The following FTO variants were observed in gnomAD, a reference collection of about 807,000 sequenced individuals.
FTO encodes FTO alpha-ketoglutarate dependent dioxygenase.
Under a neutral mutation model 63.9 loss-of-function variants are expected in FTO, and 47 were observed. That is an observed-to-expected ratio of 0.74 (90% CI 0.58 to 0.94). The LOEUF is 0.94. Among genes scored for constraint, FTO ranks in the 40% least tolerant of loss-of-function variants. The probability of loss-of-function intolerance (pLI) is 0.00; values close to 1 mark genes in which losing one functional copy is unlikely to be tolerated. For synonymous variants in FTO, 207 were observed against 224.4 expected, an observed-to-expected ratio of 0.92 and a Z score of 0.69; for missense variants, 562 against 618.1, an observed-to-expected ratio of 0.91 and a Z score of 0.96.
intron 4 of FTO, among the ~76,000 whole-genome samples, chr16:53,848,334 A>G (rs2079692368): frequency 6.6e-6 from 1 of 152,182 alleles, no homozygotes; most frequent in South Asian, 2.1e-4. Flanking sequence ...GAGGAAGTGC[A>G]GGCTGAACCC....
At chr16:53,783,703 A>T (rs1282295424) in intron 1 of FTO, among the ~76,000 whole-genome samples, 1 of 150,316 alleles carries the variant, frequency 6.7e-6, no homozygotes, top group South Asian at 2.1e-4. Flanking sequence ...CAGGAGAATC[A>T]CTTGAACCCG....
intron 4 of FTO, among the ~76,000 whole-genome samples, chr16:53,864,615 TG>T (rs1567375033): frequency 6.6e-6 from 1 of 152,196 alleles, no homozygotes; most frequent in Non-Finnish European, 1.5e-5. Flanking sequence ...TTTGTGTGTG[TG>T]TTGTCACATC....
At chr16:53,871,827 A>G (rs1316313847) in intron 4 of FTO, among the ~76,000 whole-genome samples, 1 of 151,886 alleles carries the variant, frequency 6.6e-6, no homozygotes, top group Non-Finnish European at 1.5e-5. Flanking sequence ...CCTGTGTTCA[A>G]GCAATTCTCC....
intron 8 of FTO, chr16:53,999,778 C>T (rs1307477658): frequency 1.3e-5 from 2 of 152,218 alleles, no homozygotes; most frequent in Non-Finnish European, 2.9e-5. Context: ...TGGATTTTCT[C>T]CGTACTCCAT....
intron 8 of FTO, among the ~76,000 whole-genome samples, chr16:54,012,704 TA>T (rs1408258124): frequency 1.3e-5 from 2 of 152,316 alleles, no homozygotes; most frequent in South Asian, 2.1e-4. Flanking sequence ...CTAGGGCACT[TA>T]AGAATTATGC....
In FTO at chr16:53,826,385, G is replaced by A; in HGVS notation, c.645G>A (p.Leu215=). 6.2e-7 allele frequency: 1 copy of A among 1,614,164 alleles called. No individual in the cohort carries two copies. The highest frequency in any genetic ancestry group is 1.3e-5 in the African/African-American group (1 of 75,050). Residue 215 remains leucine, a synonymous_variant, in exon 3 of 9, where the codon CTG becomes CTA. Transcript: ENST00000471389. ...TGGATCCTCAGAAAATGCCATACCT[G>A]AAAGAGGAACCTTATTTTGGCATGG... ...NFMDPQKMPY[L]KEEPYFGMGK...
chr16:54,031,138 AG>A (rs747663560), intron 8 of FTO, among the ~76,000 whole-genome samples: 1 of 152,188 alleles, frequency 6.6e-6, no homozygotes, highest in Non-Finnish European at 1.5e-5. Context: ...GAGCCAGGAG[AG>A]GTAATCAAAT....
intron 8 of FTO, among the ~76,000 whole-genome samples, chr16:54,079,984 T>A (rs1345982253): frequency 6.6e-6 from 1 of 152,226 alleles, no homozygotes; most frequent in Admixed American, 6.5e-5. Context: ...AGCCACCATT[T>A]TGTCTCCTCT....
intron 1 of FTO, among the ~76,000 whole-genome samples, chr16:53,763,460 A>T (rs1018060852): frequency 6.6e-6 from 1 of 152,192 alleles, no homozygotes; most frequent in Non-Finnish European, 1.5e-5. Flanking sequence ...TGTGGAAGAA[A>T]GAATCAAATT....
intron 8 of FTO, among the ~76,000 whole-genome samples, chr16:53,980,576 T>C (rs1179856517): frequency 6.6e-6 from 1 of 152,240 alleles, no homozygotes; most frequent in East Asian, 1.9e-4. Context: ...CTCAACTGCC[T>C]GAACAACTTA....
At position 54,075,989 on chromosome 16, in the gene FTO, A is replaced by G. The variant is rs1359686615; in HGVS notation, c.1365-35773A>G. 4.6e-5 allele frequency among the ~76,000 whole-genome samples: 7 copies of G among 152,258 alleles called. No individual in the cohort carries two copies. The South Asian group carries it at 1.2e-3, about 27-fold the overall frequency. ...TAGAATATGCGAGGCCGGATTCCCC[A>G]TCTTCCCCTAGCTCAGGTGGCTAGC... is the stretch of plus-strand genomic sequence containing the variant. On this transcript the variant is annotated intron_variant, in intron 8 of 8. Transcript: ENST00000471389.
chr16:53,776,606 A>AC (rs1374779563), intron 1 of FTO, among the ~76,000 whole-genome samples: 11 of 152,174 alleles, frequency 7.2e-5, no homozygotes, highest in African/African-American at 2.2e-4. Flanking sequence ...GCCTTTATTG[A>AC]TTTAAAAATA....
chr16:53,860,074 A>G (rs2080126410), intron 4 of FTO, among the ~76,000 whole-genome samples: 1 of 152,186 alleles, frequency 6.6e-6, no homozygotes, highest in Non-Finnish European at 1.5e-5. Context: ...AAGAAAATGC[A>G]GTAGGTATAT....
chr16:53,806,411 A>G (rs971604799), intron 1 of FTO, among the ~76,000 whole-genome samples: 6 of 152,296 alleles, frequency 3.9e-5, no homozygotes, highest in South Asian at 4.1e-4. Context: ...TCCCACCTCT[A>G]TTGACAGATA....
At chr16:53,951,049 A>C (rs569652523) in intron 8 of FTO, among the ~76,000 whole-genome samples, 1 of 152,314 alleles carries the variant, frequency 6.6e-6, no homozygotes, top group South Asian at 2.1e-4. Flanking sequence ...GTGATAATAT[A>C]TTTGCTGTAA....
chr16:54,058,391 G>A (rs2085488703), intron 8 of FTO, among the ~76,000 whole-genome samples: 1 of 152,178 alleles, frequency 6.6e-6, no homozygotes, highest in South Asian at 2.1e-4. Context: ...CCAAAGTGCT[G>A]GGATTACAGG....
chr16:54,088,657 A>G (rs116315291), intron 8 of FTO, among the ~76,000 whole-genome samples: 155 of 152,328 alleles, frequency 1.0e-3, no homozygotes, highest in African/African-American at 3.5e-3. Context: ...AATGTTTTCA[A>G]TAGGGGGAAA....
intron 4 of FTO, among the ~76,000 whole-genome samples, chr16:53,865,568 T>C (rs2151862134): frequency 6.6e-6 from 1 of 152,330 alleles, no homozygotes; most frequent in East Asian, 1.9e-4. Flanking sequence ...CTTGAGTTTA[T>C]TTTTTCCTGA....
At chr16:53,908,858 T>A (rs1288213359) in intron 7 of FTO, among the ~76,000 whole-genome samples, 1 of 152,208 alleles carries the variant, frequency 6.6e-6, no homozygotes, top group Non-Finnish European at 1.5e-5. Flanking sequence ...GTTGTCCTGA[T>A]GAGAATGTAA....
Sources: allele counts gnomAD v4.1 joint callset (sites outside exome capture counted in the v4.1 genomes callset), GRCh38; gene constraint gnomAD v4.1.1; transcripts MANE v1.5; gene names NCBI Gene and HGNC (gene_info 2026-07-23, HGNC 2026-07-21).